CFAP69: variants seen among roughly 807,000 people sequenced by gnomAD.
CFAP69 encodes the protein cilia and flagella associated protein 69.
A neutral mutation model predicts 123.0 loss-of-function variants in CFAP69; 92 were observed. The observed-to-expected ratio is 0.75, with a 90% CI of 0.63 to 0.89. The LOEUF (loss-of-function observed/expected upper bound fraction) is 0.89, where lower values mean the gene tolerates loss of function less well. CFAP69 is among the 40% of genes least tolerant of loss of function. The pLI is 0.00. For missense variants in CFAP69, 1,067 were observed against 1,096.9 expected (o/e 0.97, Z 0.39); for synonymous variants, 380 against 364.3 (o/e 1.04, Z -0.49).
rs1219029099 is a variant in CFAP69, at chr7:90,272,791, A to G, written c.860+833A>G. ...CTACGATCACATCATTTCAACCTCAAATCAAGCAGAAGAGAAACCTTGCTA... is the reference window on the plus strand; with the variant it reads ...CTACGATCACATCATTTCAACCTCAGATCAAGCAGAAGAGAAACCTTGCTA... On this transcript the variant is annotated intron_variant, in intron 8 of 22. Coordinates refer to ENST00000389297, the MANE Select transcript of CFAP69 (RefSeq NM_001039706.3). Among the ~76,000 whole-genome samples, 4 of 151,948 alleles carry G rather than the reference A, an allele frequency of 2.6e-5. No homozygotes were observed. In the East Asian group the frequency reaches 7.7e-4, roughly 29 times the overall value.
intron 15 of CFAP69, among the ~76,000 whole-genome samples, chr7:90,295,978 T>G (rs1433062815): frequency 1.3e-5 from 2 of 152,186 alleles, no homozygotes; most frequent in Non-Finnish European, 2.9e-5. Flanking sequence ...TTTAGCCGCC[T>G]TCTTTACTGC....
chr7:90,277,727 T>A (rs1270794954), intron 11 of CFAP69, among the ~76,000 whole-genome samples: 4 of 152,282 alleles, frequency 2.6e-5, no homozygotes, highest in African/African-American at 9.6e-5. Flanking sequence ...TCTCAAACTC[T>A]TATGAACCTG....
chr7:90,292,755 G>T (rs1196319546), intron 15 of CFAP69, among the ~76,000 whole-genome samples: 1 of 152,120 alleles, frequency 6.6e-6, no homozygotes, highest in African/African-American at 2.4e-5. Flanking sequence ...TAAAAAAGAT[G>T]ATTTTAGACT....
intron 14 of CFAP69, chr7:90,287,523 T>C (rs1305513352): frequency 1.0e-6 from 1 of 985,240 alleles, no homozygotes; most frequent in Non-Finnish European, 1.2e-6. Flanking sequence ...ACTCTGAGTC[T>C]CAGAGATTGA....
intron 12 of CFAP69, among the ~76,000 whole-genome samples, chr7:90,280,737 G>T (rs968151653): frequency 1.3e-5 from 2 of 152,154 alleles, no homozygotes; most frequent in East Asian, 1.9e-4. Flanking sequence ...AAGGAAATAA[G>T]AAATACATTC....
At position 90,245,446 on chromosome 7, in the gene CFAP69, G is replaced by A. The variant is rs1454561313; in HGVS notation, c.22G>A (p.Ala8Thr). The change falls in exon 1 of 23, where the codon GCG (alanine) becomes ACG (threonine). Residue 8 changes from alanine to threonine, a missense_variant. Ala to Thr is a moderately conservative substitution (Grantham distance 58, BLOSUM62 0). Coordinates refer to ENST00000389297, the MANE Select transcript of CFAP69 (RefSeq NM_001039706.3). Reference protein sequence around the residue: MWTEEAGATAEAQESGIR... With the variant: MWTEEAGTTAEAQESGIR... Reference sequence around the variant, plus strand: ...GGCCATGTGGACAGAGGAAGCCGGGGCGACCGCCGAGGCCCAGGAATCCGG... The same window carrying A: ...GGCCATGTGGACAGAGGAAGCCGGGACGACCGCCGAGGCCCAGGAATCCGG... The A allele has an allele frequency of 6.4e-7, 1 of 1,559,646 alleles. No individual in the cohort carries two copies. The highest frequency in any genetic ancestry group is 1.2e-5 in the South Asian group (1 of 85,970).
At chr7:90,266,412 A>T (rs547092966) in intron 5 of CFAP69, among the ~76,000 whole-genome samples, 2 of 152,152 alleles carry the variant, frequency 1.3e-5, no homozygotes, top group African/African-American at 4.8e-5. Context: ...AATCTCTATC[A>T]TCAGCAGAAA....
In CFAP69 at chr7:90,252,895, TA is replaced by T. The variant is rs1271029636; in HGVS notation, c.121-2526del. On this transcript the variant is annotated intron_variant, in intron 1 of 22. Transcript: ENST00000389297. ...GAAATACTAAAACTAAGACAATGAATAATGATTATGTAGAAGTATGGAAAAG... is the reference window on the plus strand; with the variant it reads ...GAAATACTAAAACTAAGACAATGAATATGATTATGTAGAAGTATGGAAAAG... Among the ~76,000 whole-genome samples the T allele has an allele frequency of 2.6e-5, 4 of 152,222 alleles. No homozygotes were observed. In the South Asian group the frequency reaches 8.3e-4, roughly 32 times the overall value.
chr7:90,288,219 A>G lies in CFAP69; in HGVS notation c.1657-15A>G, dbSNP rs1343237274. Reference sequence around the variant, plus strand: ...TTTATTTCAAGAAATAATTTAAAACAAATATCTTAAACAGGAAATTTTCGG... The same window carrying G: ...TTTATTTCAAGAAATAATTTAAAACGAATATCTTAAACAGGAAATTTTCGG... On this transcript the variant is annotated splice_polypyrimidine_tract_variant and intron_variant, in intron 14 of 22. Transcript: ENST00000389297. 5.7e-6 allele frequency: 9 copies of G among 1,584,290 alleles called. No homozygotes were observed. Among genetic ancestry groups the G allele is most frequent in the African/African-American group, 1.3e-5 (1 of 74,146 alleles).
Position 90,310,231 on chromosome 7 carries a change from C to T in CFAP69, c.2819C>T (p.Pro940Leu). The change falls in exon 23 of 23, where the codon CCT (proline) becomes CTT (leucine). Residue 940 changes from proline to leucine, a missense_variant. Transcript: ENST00000389297. ...KIVDAPKKSI[P>L]T ...GTGGATGCACCAAAAAAGAGTATTC[C>T]TACGTAATATACTATAGAGACTTTT... is the stretch of plus-strand genomic sequence containing the variant. 6.2e-7 allele frequency: 1 copy of T among 1,612,474 alleles called. No individual in the cohort carries two copies.
chr7:90,271,619 A>G lies in CFAP69; in HGVS notation c.626A>G (p.Asn209Ser), dbSNP rs1215634736. 1 of 1,613,762 alleles carries G rather than the reference A, an allele frequency of 6.2e-7. No homozygotes were observed. The highest frequency in any genetic ancestry group is 2.2e-5 in the East Asian group (1 of 44,864). The part of the protein sequence containing the change: ...TMVQSMTLLE[N>S]QLVEKLWVLK... ...GTCCAGTCAATGACCTTGCTTGAAA[A>G]TCAACTTGTTGAGAAACTTTGGGTA... Residue 209 changes from asparagine to serine, a missense_variant, in exon 7 of 23, where the codon AAT (asparagine) becomes AGT (serine). Transcript: ENST00000389297.
intron 16 of CFAP69, among the ~76,000 whole-genome samples, chr7:90,298,134 C>T (rs1447402945): frequency 6.6e-6 from 1 of 152,150 alleles, no homozygotes. Context: ...TTGTGAAGAG[C>T]TTGACCATAT....
chr7:90,319,446 A>G, the CFAP69 span: 20 of 398,520 alleles, frequency 5.0e-5, no homozygotes, highest in Non-Finnish European at 7.1e-5. Context: ...AGCAGTCTAC[A>G]TACATGTCCC....
At chr7:90,250,820 C>A (rs1320692479) in intron 1 of CFAP69, among the ~76,000 whole-genome samples, 1 of 152,116 alleles carries the variant, frequency 6.6e-6, no homozygotes, top group Non-Finnish European at 1.5e-5. Flanking sequence ...CAACACAAAC[C>A]TCTTCCTCCA....
rs66750678 is a variant in CFAP69 at position 90,304,643 on chromosome 7, GTAGATAGATAGA to G, written c.2189-67_2189-56del. ...TAACTTTGCATTTGTTTTTAGATAG[GTAGATAGATAGA>G]TAGATAGATAGATAGATAGATAGAT... On this transcript the variant is annotated intron_variant, in intron 18 of 22. Coordinates refer to ENST00000389297, the MANE Select transcript of CFAP69 (RefSeq NM_001039706.3). 2,110 of 1,278,820 alleles carry G rather than the reference GTAGATAGATAGA, an allele frequency of 1.6e-3. 9 individuals carry two copies. The highest frequency in any genetic ancestry group is 2.9e-3 in the South Asian group (203 of 68,946). The allele number at this position is 1,278,820 out of a possible 1,614,324, so 79.2% of individuals were successfully genotyped here.
intron 2 of CFAP69, among the ~76,000 whole-genome samples, chr7:90,256,470 T>A (rs1283008279): frequency 1.3e-5 from 2 of 151,398 alleles, no homozygotes; most frequent in African/African-American, 2.4e-5. Flanking sequence ...GGCACGTGTA[T>A]ACCTATGTAA....
intron 4 of CFAP69, among the ~76,000 whole-genome samples, chr7:90,263,909 T>C (rs1038372357): frequency 6.6e-6 from 1 of 151,244 alleles, no homozygotes; most frequent in Non-Finnish European, 1.5e-5. Flanking sequence ...GATAACACGG[T>C]GAAACCCCAT....
intron 15 of CFAP69, among the ~76,000 whole-genome samples, chr7:90,288,563 C>T (rs1790643743): frequency 6.6e-6 from 1 of 152,106 alleles, no homozygotes; most frequent in Non-Finnish European, 1.5e-5. Flanking sequence ...TGTCATATTA[C>T]TGTACTGAAG....
intron 15 of CFAP69, among the ~76,000 whole-genome samples, chr7:90,296,917 T>C (rs535329131): frequency 2.8e-4 from 43 of 152,232 alleles, no homozygotes; most frequent in African/African-American, 8.9e-4. Context: ...AAGTTTCTTA[T>C]TATGTGGAAT....
Sources: allele counts gnomAD v4.1 joint callset (sites outside exome capture counted in the v4.1 genomes callset), GRCh38; gene constraint gnomAD v4.1.1; transcripts MANE v1.5; gene names NCBI Gene and HGNC (gene_info 2026-07-23, HGNC 2026-07-21).